Variants in ALPK2 observed in about 807,000 individuals in gnomAD.
The protein encoded by ALPK2 is alpha kinase 2, also known as alpha-protein kinase 2.
ALPK2 carries 127 observed loss-of-function variants against 163.1 expected under a neutral mutation model. The ratio of observed to expected loss-of-function variants is 0.78; its 90% CI spans 0.67 to 0.90. The LOEUF is 0.90. Among genes scored for constraint, ALPK2 ranks in the 40% least tolerant of loss-of-function variants. The pLI is 0.00. For synonymous variants in ALPK2, 953 were observed against 959.1 expected, an observed-to-expected ratio of 0.99 and a Z score of 0.12; for missense variants, 2,360 against 2,589.6, an observed-to-expected ratio of 0.91 and a Z score of 1.92.
chr18:58,543,767 G>A (rs2051703526), intron 4 of ALPK2, among the ~76,000 whole-genome samples: 2 of 152,164 alleles, frequency 1.3e-5, no homozygotes, highest in East Asian at 1.9e-4. Flanking sequence ...GACACATGAG[G>A]TCAATGATGT....
At chr18:58,567,142 T>C (rs1393449199) in intron 4 of ALPK2, among the ~76,000 whole-genome samples, 7 of 151,526 alleles carry the variant, frequency 4.6e-5, no homozygotes, top group Non-Finnish European at 1.5e-5. Context: ...TCCCAGCACT[T>C]TGGGAGGCCG....
At chr18:58,625,590 T>G (rs1333869176) in intron 1 of ALPK2, among the ~76,000 whole-genome samples, 1 of 152,260 alleles carries the variant, frequency 6.6e-6, no homozygotes, top group South Asian at 2.1e-4. Flanking sequence ...CTTTAGATTC[T>G]GTTGCACTTG....
chr18:58,550,710 T>C (rs1456738730), intron 4 of ALPK2, among the ~76,000 whole-genome samples: 1,813 of 20,050 alleles, frequency 0.09, no homozygotes, highest in Middle Eastern at 0.15. Context: ...CCATCCCCGC[T>C]TCCATCACGT....
chr18:58,625,547 G>A (rs1233980612), intron 1 of ALPK2, among the ~76,000 whole-genome samples: 1 of 152,232 alleles, frequency 6.6e-6, no homozygotes, highest in African/African-American at 2.4e-5. Flanking sequence ...AAACTCTGGG[G>A]ATGGAGCCCA....
At chr18:58,529,989 G>C (rs557767301) in intron 5 of ALPK2, among the ~76,000 whole-genome samples, 10 of 152,196 alleles carry the variant, frequency 6.6e-5, no homozygotes, top group Non-Finnish European at 1.2e-4. Context: ...CCGAGTGGTC[G>C]TAACAATTGG....
intron 3 of ALPK2, among the ~76,000 whole-genome samples, chr18:58,590,063 A>T (rs1487407484): frequency 1.3e-5 from 2 of 151,820 alleles, no homozygotes; most frequent in African/African-American, 4.8e-5. Context: ...ACTAAAAAAA[A>T]TACAAAAATT....
Position 58,535,755 on chromosome 18 carries a change from C to T in ALPK2, c.4432G>A (p.Glu1478Lys), listed in dbSNP as rs758062249. ...TCCTCAGGTTGAATTTGTTCAGCCT[C>T]CTGCTTCATACTGCCTTCTTGGCTT... is the stretch of plus-strand genomic sequence containing the variant. ...SRSQEGSMKQEAEQIQPEEAK... is the reference protein window; with the variant it reads ...SRSQEGSMKQKAEQIQPEEAK... Residue 1478 changes from glutamate (E) to lysine (K), a missense_variant, in exon 5 of 13, where the codon GAG becomes AAG. By Grantham distance (56) the Glu-to-Lys change is moderately conservative. Transcript: ENST00000361673. The T allele has an allele frequency of 1.2e-6, 2 of 1,614,208 alleles. No individual in the cohort carries two copies. Among genetic ancestry groups the T allele is most frequent in the Non-Finnish European group, 1.7e-6 (2 of 1,180,022 alleles).
chr18:58,542,728 G>C (rs748765645), intron 4 of ALPK2, among the ~76,000 whole-genome samples: 1 of 152,188 alleles, frequency 6.6e-6, no homozygotes, highest in Non-Finnish European at 1.5e-5. Flanking sequence ...ATCCAGACCA[G>C]AGCTGGCCTG....
At chr18:58,562,075 G>C (rs1364555269) in intron 4 of ALPK2, among the ~76,000 whole-genome samples, 1 of 152,076 alleles carries the variant, frequency 6.6e-6, no homozygotes, top group Non-Finnish European at 1.5e-5. Context: ...TATGGAGCTT[G>C]AGTTCCAGTT....
At position 58,602,647 on chromosome 18, in the gene ALPK2, T is replaced by G. The variant is rs140801914; in HGVS notation, c.227+4675A>C. Among the ~76,000 whole-genome samples, 17 of 152,190 alleles carry G rather than the reference T, an allele frequency of 1.1e-4. No individual in the cohort carries two copies. The East Asian group carries it at 3.3e-3, about 29-fold the overall frequency. On this transcript the variant is annotated intron_variant, in intron 3 of 12. Coordinates refer to ENST00000361673, the MANE Select transcript of ALPK2 (RefSeq NM_052947.4). ...GAATTAGGACCCACCCTGTCAGAGG[T>G]GTTTGAACCAGAATGACTCCATCTT... is the stretch of plus-strand genomic sequence containing the variant.
chr18:58,499,501 T>G lies in ALPK2; in HGVS notation c.6248-1404A>C, dbSNP rs539176212. Among the ~76,000 whole-genome samples the G allele has an allele frequency of 2.6e-5, 4 of 152,278 alleles. No individual in the cohort carries two copies. In the East Asian group the frequency reaches 7.7e-4, roughly 29 times the overall value. On this transcript the variant is annotated intron_variant, in intron 11 of 12. Transcript: ENST00000361673. ...ACTTCCCTGATGCCCAGAGTGTGGA[T>G]TCCCTCTTGACCTTTCCAGAATCTG...
intron 7 of ALPK2, 31 bp from the exon 8 acceptor site, chr18:58,523,872 A>G (rs1568073905): frequency 1.2e-6 from 2 of 1,614,224 alleles, no homozygotes; most frequent in Non-Finnish European, 1.7e-6. Context: ...GAATGGCTTC[A>G]GTACAGATGT....
At chr18:58,615,226 T>C (rs2052159708) in intron 1 of ALPK2, among the ~76,000 whole-genome samples, 2 of 152,208 alleles carry the variant, frequency 1.3e-5, no homozygotes, top group South Asian at 4.1e-4. Context: ...CAATCAGCAA[T>C]GCTTTTCAGA....
chr18:58,611,321 C>T (rs974529297), intron 2 of ALPK2, among the ~76,000 whole-genome samples: 1 of 151,200 alleles, frequency 6.6e-6, no homozygotes, highest in Non-Finnish European at 1.5e-5. Flanking sequence ...AGAAGAGTTC[C>T]ATCAATTTAC....
In ALPK2 at chr18:58,503,986, G is replaced by A. The variant is rs1270442656; in HGVS notation, c.6192C>T (p.Phe2064=). ...TTGTTTTCTGGTACACCCAGTGCTG[G>A]AAGGTGCAACATTTCTGACCAGCTT... ...ESEAGQKCCT[F]QHWVYQKTSG... The change falls in exon 11 of 13, where the codon TTC becomes TTT. Residue 2064 remains phenylalanine (F), a synonymous_variant. Transcript: ENST00000361673. The A allele has an allele frequency of 1.2e-6, 2 of 1,614,064 alleles. No individual in the cohort carries two copies. Among genetic ancestry groups the A allele is most frequent in the African/African-American group, 1.3e-5 (1 of 74,918 alleles).
intron 5 of ALPK2, among the ~76,000 whole-genome samples, chr18:58,532,773 G>A (rs1029774141): frequency 4.6e-5 from 7 of 152,184 alleles, no homozygotes; most frequent in African/African-American, 1.7e-4. Flanking sequence ...TACCTGAGAG[G>A]AGTCTTATCA....
chr18:58,594,884 G>A (rs2052033441), intron 3 of ALPK2, among the ~76,000 whole-genome samples: 3 of 152,180 alleles, frequency 2.0e-5, no homozygotes, highest in Admixed American at 2.0e-4. Flanking sequence ...TACCGCGATG[G>A]TTGCTTGCAG....
At chr18:58,543,443 T>G (rs764948702) in intron 4 of ALPK2, 43 of 982,624 alleles carry the variant, frequency 4.4e-5, no homozygotes, top group Non-Finnish European at 5.2e-5. Flanking sequence ...CAGGAGGCTT[T>G]AAGAGCTGGG....
chr18:58,599,520 A>G (rs191143121), intron 3 of ALPK2, among the ~76,000 whole-genome samples: 188 of 152,356 alleles, frequency 1.2e-3, no homozygotes, highest in African/African-American at 4.3e-3. Context: ...ATGCATTTCC[A>G]TCTTAGCCAA....
Sources: allele counts gnomAD v4.1 joint callset (sites outside exome capture counted in the v4.1 genomes callset), GRCh38; gene constraint gnomAD v4.1.1; transcripts MANE v1.5; gene names NCBI Gene and HGNC (gene_info 2026-07-23, HGNC 2026-07-21).